The following RPL3 variants were observed in gnomAD, a reference collection of about 807,000 sequenced individuals.
The protein encoded by RPL3 is large ribosomal subunit protein uL3.
RPL3 carries 3 observed loss-of-function variants against 46.0 expected under a neutral mutation model. That is an observed-to-expected ratio of 0.07 (90% CI 0.03 to 0.17). The LOEUF (loss-of-function observed/expected upper bound fraction) is 0.17, where lower values mean the gene tolerates loss of function less well. Ranked by LOEUF, RPL3 falls within the 10% of genes least tolerant of loss-of-function variation. RPL3 has a pLI of 1.00. For missense variants in RPL3, 387 were observed against 532.7 expected (o/e 0.73, Z 2.69); for synonymous variants, 224 against 190.8 (o/e 1.17, Z -1.43).
In RPL3 at chr22:39,315,026, CTCAAT is replaced by C. The variant is rs1922591356; in HGVS notation, c.689-185_689-181del. 3.5e-5 allele frequency: 30 copies of C among 856,150 alleles called. No homozygotes were observed. In the South Asian group the frequency reaches 5.0e-4, roughly 14 times the overall value. 53.0% of individuals were successfully genotyped at this position (856,150 alleles called of 1,614,324 possible). On this transcript the variant is annotated intron_variant, in intron 5 of 9. Coordinates refer to ENST00000216146, the MANE Select transcript of RPL3 (RefSeq NM_000967.4). Reference sequence around the variant, plus strand: ...TAGGCTCTGGGGGTGTCACCCTGAACTCAATTCTGAATGGGTGCTTTTTAAGGCAT... The same window carrying C: ...TAGGCTCTGGGGGTGTCACCCTGAACTCTGAATGGGTGCTTTTTAAGGCAT...
At chr22:39,314,480 ACCAGTCAGCCCCACCACAG>A (rs532640960) in intron 6 of RPL3, 187 bp downstream of exon 6, 17,716 of 677,570 alleles carry the variant, frequency 0.026, 282 homozygotes, top group Middle Eastern at 0.057. Context: ...CCCCAGCCAC[ACCAGTCAGCCCCACCACAG>A]CCACTCTACA....
At chr22:39,316,108 G>A (rs1036708803) in intron 4 of RPL3, among the ~76,000 whole-genome samples, 5 of 152,110 alleles carry the variant, frequency 3.3e-5, no homozygotes, top group African/African-American at 9.7e-5. Flanking sequence ...GCGTGGTGGC[G>A]CATGCCTGTA....
At chr22:39,315,294 C>T (rs962272393) in intron 5 of RPL3, 75 bp downstream of exon 5, 7 of 1,588,624 alleles carry the variant, frequency 4.4e-6, no homozygotes, top group Non-Finnish European at 6.0e-6. Context: ...CTCTGAGCCT[C>T]ATCAACGAAC....
At position 39,313,750 on chromosome 22, in the gene RPL3, C is replaced by A. The variant is rs377467710; in HGVS notation, c.952-21G>T. On this transcript the variant is annotated intron_variant, in intron 7 of 9. Transcript: ENST00000216146. ...CCACCCTGGAAAACGAGCATCGGAT[C>A]AGCACAGGCCCAGGAGGGGATTGTC... The A allele has an allele frequency of 3.1e-6, 5 of 1,609,322 alleles. No homozygotes were observed. The East Asian group carries it at 1.1e-4, about 36-fold the overall frequency.
chr22:39,314,695 G>T lies in RPL3; in HGVS notation c.840C>A (p.Ile280=). The T allele has an allele frequency of 1.9e-6, 3 of 1,612,572 alleles. No individual in the cohort carries two copies. The highest frequency in any genetic ancestry group is 2.5e-6 in the Non-Finnish European group (3 of 1,179,504). ...GQKGYHHRTE[I]NKKIYKIGQG... ...ACTCTCAGAACCTCACCTTCTTGTT[G>T]ATCTCAGTGCGGTGATGGTAGCCTT... The change falls in exon 6 of 10, where the codon ATC becomes ATA. Residue 280 remains isoleucine, a synonymous_variant. Transcript: ENST00000216146.
intron 5 of RPL3, chr22:39,315,141 G>A (rs183781900): frequency 1.7e-5 from 14 of 811,538 alleles, no homozygotes; most frequent in Non-Finnish European, 2.8e-5. Flanking sequence ...GCTACAAAGA[G>A]CAAAGGGTCC....
intron 5 of RPL3, 148 bp from the exon 6 acceptor site, chr22:39,314,994 A>G: frequency 4.3e-6 from 5 of 1,150,264 alleles, no homozygotes; most frequent in Non-Finnish European, 6.1e-6. Context: ...TCCCCTGTCA[A>G]GCTGGATAGG....
In RPL3 at chr22:39,313,270, A is replaced by G. The variant is rs1922469824; in HGVS notation, c.1088T>C (p.Ile363Thr). The G allele has an allele frequency of 1.2e-6, 2 of 1,613,216 alleles. No homozygotes were observed. The highest frequency in any genetic ancestry group is 1.7e-5 in the Admixed American group (1 of 59,806). ...GGTGGTGTCAATGAACTTAAGGTCAATCTTCTCCAGAGCCCGCCGCTTCGT... is the reference window on the plus strand; with the variant it reads ...GGTGGTGTCAATGAACTTAAGGTCAGTCTTCTCCAGAGCCCGCCGCTTCGT... ...VQTKRRALEK[I>T]DLKFIDTTSK... is the part of the protein sequence containing the mutation. The change falls in exon 9 of 10, where the codon ATT becomes ACT. Residue 363 changes from isoleucine to threonine, a missense_variant. Ile to Thr is a moderately conservative substitution (Grantham distance 89, BLOSUM62 -1). Around this residue, in one of 5 missense-constraint regions of RPL3, gnomAD observed 131 missense variants for 185.1 expected, o/e 0.71. Transcript: ENST00000216146.
intron 8 of RPL3, 96 bp from the exon 9 acceptor site, chr22:39,313,406 C>G (rs936644752): frequency 1.3e-6 from 2 of 1,556,922 alleles, no homozygotes; most frequent in Non-Finnish European, 1.7e-6. Context: ...GCCACACGAT[C>G]AATTCAGCCT....
rs766268646 is a variant in RPL3, at chr22:39,317,536, C to T, written c.290G>A (p.Arg97Gln). Residue 97 changes from arginine to glutamine, a missense_variant, in exon 3 of 10, where the codon CGA (arginine) becomes CAA (glutamine). Physicochemically the swap from Arg to Gln is conservative, Grantham distance 43. Transcript: ENST00000216146. ...VGIVGYVETP[R>Q]GLRTFKTVFA... ...GACAGTCTTGAAGGTCCGGAGGCCTCGAGGGGTTTCCACGTAGCCCACAAT... is the reference window on the plus strand; with the variant it reads ...GACAGTCTTGAAGGTCCGGAGGCCTTGAGGGGTTTCCACGTAGCCCACAAT... The T allele has an allele frequency of 6.8e-6, 11 of 1,613,812 alleles. No homozygotes were observed. The highest frequency in any genetic ancestry group is 4.4e-5 in the South Asian group (4 of 91,078).
intron 3 of RPL3, chr22:39,317,104 G>A (rs1046918424): frequency 6.6e-6 from 4 of 607,602 alleles, no homozygotes; most frequent in Non-Finnish European, 1.2e-5. Flanking sequence ...TCTGCCCTGG[G>A]GAAGCCCACT....
chr22:39,316,526 T>C (rs1922700022), intron 4 of RPL3, among the ~76,000 whole-genome samples, 180 bp downstream of exon 4: 1 of 152,104 alleles, frequency 6.6e-6, no homozygotes, highest in South Asian at 2.1e-4. Flanking sequence ...GTGTTACTGG[T>C]GAGTCACCAG....
chr22:39,314,632 T>TC (rs1922563387), intron 6 of RPL3, 54 bp downstream of exon 6: 2 of 1,558,492 alleles, frequency 1.3e-6, no homozygotes, highest in Non-Finnish European at 1.7e-6. Context: ...GAAACCCCAC[T>TC]CCCCATCACG....
Position 39,318,525 on chromosome 22 carries a change from C to A in RPL3, c.71G>T (p.Arg24Met). 6.2e-7 allele frequency: 1 copy of A among 1,613,846 alleles called. No individual in the cohort carries two copies. The highest frequency in any genetic ancestry group is 8.5e-7 in the Non-Finnish European group (1 of 1,179,856). ...GAAGCTCTTCACCTTCCCACGATGCCTGCTGCTGCGCTTCCGAGGCAGGAA... is the reference window on the plus strand; with the variant it reads ...GAAGCTCTTCACCTTCCCACGATGCATGCTGCTGCGCTTCCGAGGCAGGAA... ...LGFLPRKRSS[R>M]HRGKVKSFPK... is the part of the protein sequence containing the mutation. Residue 24 changes from arginine to methionine, a missense_variant, in exon 2 of 10, where the codon AGG becomes ATG. Arg to Met is a moderately conservative substitution (Grantham distance 91). Coordinates refer to ENST00000216146, the MANE Select transcript of RPL3 (RefSeq NM_000967.4).
At chr22:39,318,345 A>G in intron 2 of RPL3, 55 bp downstream of exon 2, 2 of 1,579,788 alleles carry the variant, frequency 1.3e-6, no homozygotes, top group African/African-American at 2.7e-5. Context: ...CCATCTCTAC[A>G]ATTTCCCTCC....
At position 39,317,639 on chromosome 22, in the gene RPL3, A is replaced by T. The variant is rs757133477; in HGVS notation, c.197-10T>A. 6 of 1,611,830 alleles carry T rather than the reference A, an allele frequency of 3.7e-6. No homozygotes were observed. Among genetic ancestry groups the T allele is most frequent in the Non-Finnish European group, 5.1e-6 (6 of 1,178,332 alleles). On this transcript the variant is annotated splice_polypyrimidine_tract_variant and intron_variant, in intron 2 of 9. Coordinates refer to ENST00000216146, the MANE Select transcript of RPL3 (RefSeq NM_000967.4). ...TCCTTCTTGTTCACCTCTGCAAAAA[A>T]AAAGCAGTAGTCAGACTTGGCAGGA...
At position 39,317,707 on chromosome 22, in the gene RPL3, G is replaced by A; in HGVS notation, c.197-78C>T. 1.9e-6 allele frequency: 3 copies of A among 1,543,174 alleles called. No homozygotes were observed. In the East Asian group the frequency reaches 6.8e-5, roughly 35 times the overall value. Reference sequence around the variant, plus strand: ...AATGTTTTCTAGGAAAATGCAAAGTGCCCATTTAGGCCGGAAGGGCAACTG... The same window carrying A: ...AATGTTTTCTAGGAAAATGCAAAGTACCCATTTAGGCCGGAAGGGCAACTG... On this transcript the variant is annotated intron_variant, in intron 2 of 9. Coordinates refer to ENST00000216146, the MANE Select transcript of RPL3 (RefSeq NM_000967.4).
intron 2 of RPL3, chr22:39,317,987 C>T: frequency 2.9e-6 from 1 of 345,792 alleles, no homozygotes; most frequent in East Asian, 6.3e-5. Flanking sequence ...GTCTCCATGG[C>T]TCAGCAACCA....
Position 39,317,448 on chromosome 22 carries a change from C to T in RPL3, c.365+13G>A, listed in dbSNP as rs369810755. The T allele has an allele frequency of 1.2e-6, 2 of 1,611,332 alleles. No individual in the cohort carries two copies. Among genetic ancestry groups the T allele is most frequent in the Non-Finnish European group, 1.7e-6 (2 of 1,177,854 alleles). The stretch of plus-strand genomic sequence containing the variant: ...AGCTCCCAAGCTAGGGACTGCATGG[C>T]CTCCTCCCTTACCAATTCTTATAGA... On this transcript the variant is annotated intron_variant, in intron 3 of 9. Coordinates refer to ENST00000216146, the MANE Select transcript of RPL3 (RefSeq NM_000967.4).
Sources: gnomAD v4.1 joint callset for allele counts (sites outside exome capture counted in the v4.1 genomes callset) on GRCh38, gnomAD v4.1.1 for gene constraint, gnomAD v4.1.1 regional missense constraint, MANE v1.5 for transcripts, NCBI Gene and HGNC (gene_info 2026-07-23, HGNC 2026-07-21) for gene names.